SYNDIG1: variants seen among roughly 807,000 people sequenced by gnomAD.
SYNDIG1 encodes the protein synapse differentiation inducing 1, also known as synapse differentiation-inducing gene protein 1.
In SYNDIG1, 9 loss-of-function variants were observed where a neutral mutation model predicts 19.4. The observed-to-expected ratio is 0.46, with a 90% CI of 0.28 to 0.81. The LOEUF (loss-of-function observed/expected upper bound fraction) is 0.81. Ranked by LOEUF, SYNDIG1 falls within the 30% of genes least tolerant of loss-of-function variation. The probability of loss-of-function intolerance (pLI) is 0.12; values close to 1 mark genes in which losing one functional copy is unlikely to be tolerated. For synonymous variants in SYNDIG1, 141 were observed against 145.9 expected, an observed-to-expected ratio of 0.97 and a Z score of 0.24; for missense variants, 311 against 343.3, an observed-to-expected ratio of 0.91 and a Z score of 0.74.
intron 1 of SYNDIG1, among the ~76,000 whole-genome samples, chr20:24,475,245 A>C (rs2055585201): frequency 6.6e-6 from 1 of 152,250 alleles, no homozygotes; most frequent in African/African-American, 2.4e-5. Context: ...CCCAGTAGCC[A>C]TGCTGGGGAG....
chr20:24,644,559 C>T (rs1430867287), intron 3 of SYNDIG1, among the ~76,000 whole-genome samples: 1 of 152,226 alleles, frequency 6.6e-6, no homozygotes, highest in Non-Finnish European at 1.5e-5. Context: ...GACACTTGCT[C>T]TTGGAGTCCT....
chr20:24,594,681 T>G (rs985380069), intron 3 of SYNDIG1, among the ~76,000 whole-genome samples: 4 of 152,214 alleles, frequency 2.6e-5, no homozygotes, highest in African/African-American at 9.6e-5. Flanking sequence ...TTTCGGTTGA[T>G]TGTGTCATCT....
chr20:24,654,162 A>G (rs2059499931), intron 3 of SYNDIG1, among the ~76,000 whole-genome samples: 1 of 152,152 alleles, frequency 6.6e-6, no homozygotes, highest in Non-Finnish European at 1.5e-5. Context: ...TCAGTGCCAT[A>G]TATGCAGAGC....
At chr20:24,488,585 G>A (rs1283930161) in intron 1 of SYNDIG1, among the ~76,000 whole-genome samples, 1 of 152,250 alleles carries the variant, frequency 6.6e-6, no homozygotes, top group African/African-American at 2.4e-5. Context: ...TTGTCCTGCT[G>A]GAGCCAGAGG....
chr20:24,489,355 A>G (rs2056075313), intron 1 of SYNDIG1, among the ~76,000 whole-genome samples: 1 of 151,488 alleles, frequency 6.6e-6, no homozygotes, highest in Non-Finnish European at 1.5e-5. Flanking sequence ...CACACACAAG[A>G]TACATGCATG....
intron 3 of SYNDIG1, among the ~76,000 whole-genome samples, chr20:24,610,144 C>T (rs774258145): frequency 2.6e-5 from 4 of 152,156 alleles, no homozygotes; most frequent in Non-Finnish European, 5.9e-5. Context: ...ATGGAAATTG[C>T]AATTCTCACC....
chr20:24,585,348 C>T (rs988472901), intron 3 of SYNDIG1, among the ~76,000 whole-genome samples: 6 of 152,130 alleles, frequency 3.9e-5, no homozygotes, highest in Admixed American at 1.3e-4. Context: ...ACCCCAGTGC[C>T]GGGAAACACC....
intron 3 of SYNDIG1, chr20:24,596,966 A>AG (rs35525253): frequency 0.17 from 26,264 of 151,712 alleles, 2,697 homozygotes; most frequent in East Asian, 0.45. Flanking sequence ...TAGATGGTAA[A>AG]GGGGGGCACA....
chr20:24,605,813 C>T (rs138445695), intron 3 of SYNDIG1, among the ~76,000 whole-genome samples: 4 of 152,158 alleles, frequency 2.6e-5, no homozygotes, highest in Admixed American at 2.6e-4. Flanking sequence ...GTCTGCAAAG[C>T]CTGTGACGTG....
chr20:24,481,959 G>T (rs1568571756), intron 1 of SYNDIG1, among the ~76,000 whole-genome samples: 1 of 152,116 alleles, frequency 6.6e-6, no homozygotes, highest in African/African-American at 2.4e-5. Flanking sequence ...ATATATATAT[G>T]TACACATTCT....
At chr20:24,546,061 C>T (rs111424942) in intron 2 of SYNDIG1, among the ~76,000 whole-genome samples, 1 of 152,336 alleles carries the variant, frequency 6.6e-6, no homozygotes, top group Non-Finnish European at 1.5e-5. Flanking sequence ...ATGGCTGCTG[C>T]TGCTTCTACA....
chr20:24,612,322 C>G (rs746932859), intron 3 of SYNDIG1, among the ~76,000 whole-genome samples: 5 of 152,138 alleles, frequency 3.3e-5, no homozygotes, highest in Non-Finnish European at 7.3e-5. Context: ...AGGGCTTAAC[C>G]CTTTGGTACC....
chr20:24,585,612 A>T lies in SYNDIG1; in HGVS notation c.618+619A>T, dbSNP rs533809165. Among the ~76,000 whole-genome samples, 3 of 152,308 alleles carry T rather than the reference A, an allele frequency of 2.0e-5. No homozygotes were observed. In the South Asian group the frequency reaches 6.2e-4, roughly 32 times the overall value. On this transcript the variant is annotated intron_variant, in intron 3 of 3. Coordinates refer to ENST00000376862, the MANE Select transcript of SYNDIG1 (RefSeq NM_024893.3). The stretch of plus-strand genomic sequence containing the variant: ...CAGAGCATCCTGTTTGTTGCCCCTT[A>T]TGCAACCTACATTTTGAAATATTTG...
intron 1 of SYNDIG1, among the ~76,000 whole-genome samples, chr20:24,539,562 G>A (rs926809271): frequency 6.6e-6 from 1 of 152,152 alleles, no homozygotes; most frequent in African/African-American, 2.4e-5. Flanking sequence ...TCCAGCCTGA[G>A]CTCCTTGAGA....
rs187497556 is a variant in SYNDIG1 at position 24,536,658 on chromosome 20, C to A, written c.-78-6362C>A. Among the ~76,000 whole-genome samples the A allele has an allele frequency of 1.5e-3, 229 of 152,244 alleles. 1 individual carries two copies. Among genetic ancestry groups the A allele is most frequent in the African/African-American group, 2.2e-3 (91 of 41,556 alleles). The stretch of plus-strand genomic sequence containing the variant: ...ACACAGCCTGGAGAAGTGTCTGTAC[C>A]TGAGAGGGACAAGTGAGAGCCCCAG... On this transcript the variant is annotated intron_variant, in intron 1 of 3. Transcript: ENST00000376862.
chr20:24,627,927 A>G (rs149155165), intron 3 of SYNDIG1, among the ~76,000 whole-genome samples: 1 of 152,370 alleles, frequency 6.6e-6, no homozygotes, highest in Non-Finnish European at 1.5e-5. Context: ...CGTAGTGATG[A>G]AAACTTGAAG....
intron 1 of SYNDIG1, among the ~76,000 whole-genome samples, chr20:24,477,815 C>T (rs745327011): frequency 4.1e-4 from 63 of 152,218 alleles, no homozygotes; most frequent in Admixed American, 6.5e-4. Flanking sequence ...GGCTGGGGTG[C>T]GATGGAGGGG....
chr20:24,603,982 A>G (rs1164654977), intron 3 of SYNDIG1, among the ~76,000 whole-genome samples: 2 of 152,194 alleles, frequency 1.3e-5, no homozygotes, highest in Non-Finnish European at 2.9e-5. Context: ...AACATCTGAA[A>G]CAAAATGCCC....
At chr20:24,524,556 G>A (rs1338910810) in intron 1 of SYNDIG1, among the ~76,000 whole-genome samples, 1 of 151,798 alleles carries the variant, frequency 6.6e-6, no homozygotes, top group Non-Finnish European at 1.5e-5. Context: ...TGAGGCAGGA[G>A]AACGGCGTGA....
Sources: allele counts gnomAD v4.1 joint callset (sites outside exome capture counted in the v4.1 genomes callset), GRCh38; gene constraint gnomAD v4.1.1; transcripts MANE v1.5; gene names NCBI Gene and HGNC (gene_info 2026-07-23, HGNC 2026-07-21).